HSPG2: variants seen among roughly 807,000 people sequenced by gnomAD.
HSPG2 encodes the protein basement membrane-specific heparan sulfate proteoglycan core protein.
Under a neutral mutation model 526.6 loss-of-function variants are expected in HSPG2, and 278 were observed. The ratio of observed to expected loss-of-function variants is 0.53; its 90% confidence interval spans 0.48 to 0.58. The LOEUF is 0.58. Among genes scored for constraint, HSPG2 ranks in the 20% least tolerant of loss-of-function variants. The pLI is 0.00. For synonymous variants in HSPG2, 2,465 were observed against 2,555.4 expected, an observed-to-expected ratio of 0.96 and a Z score of 1.07; for missense variants, 5,354 against 6,099.5, an observed-to-expected ratio of 0.88 and a Z score of 4.07.
rs1640762922 is a variant in HSPG2, at chr1:21,872,875, T to C, written c.3889-115A>G. 1 of 1,524,684 alleles carries C rather than the reference T, an allele frequency of 6.6e-7. No individual in the cohort carries two copies. Among genetic ancestry groups the C allele is most frequent in the African/African-American group, 1.4e-5 (1 of 73,354 alleles). 94.4% of individuals were successfully genotyped at this position (1,524,684 alleles called of 1,614,324 possible). On this transcript the variant is annotated intron_variant, in intron 31 of 96. Transcript: ENST00000374695. This position sits in a 1 kb window ranked among gnomAD's most constrained non-coding sequence, Gnocchi z 5.5. ...CAGCAGCCCCGGGCAGCCCCTGCCC[T>C]GTCCCCCATGCCCTGCCCCCCATGC...
chr1:21,844,039 C>T, intron 65 of HSPG2, 109 bp downstream of exon 65: 2 of 1,447,534 alleles, frequency 1.4e-6, no homozygotes, highest in East Asian at 2.3e-5. Context: ...CCTCCTGCTG[C>T]CATTTCCCAC....
At position 21,864,225 on chromosome 1, in the gene HSPG2, G is replaced by A; in HGVS notation, c.4627-12C>T. On this transcript the variant is annotated splice_polypyrimidine_tract_variant and intron_variant, in intron 36 of 96. Coordinates refer to ENST00000374695, the MANE Select transcript of HSPG2 (RefSeq NM_005529.7). This position sits in a 1 kb window ranked among gnomAD's most constrained non-coding sequence, Gnocchi z 4.8. ...CCGGGGGCACAGTCCTAGGGGCAGA[G>A]AGGAAGGTTGGCCTCTGTTCCCAAC... is the stretch of plus-strand genomic sequence containing the variant. The A allele has an allele frequency of 6.5e-7, 1 of 1,549,120 alleles. No homozygotes were observed. Among genetic ancestry groups the A allele is most frequent in the Non-Finnish European group, 8.7e-7 (1 of 1,145,688 alleles).
At chr1:21,832,865 A>G in intron 80 of HSPG2, 1 of 583,480 alleles carries the variant, frequency 1.7e-6, no homozygotes, top group Non-Finnish European at 3.1e-6. Context: ...AGAGGGAGGC[A>G]GAGACTCACC....
intron 1 of HSPG2, among the ~76,000 whole-genome samples, chr1:21,903,338 C>T (rs1057171665): frequency 6.6e-6 from 1 of 152,332 alleles, no homozygotes; most frequent in East Asian, 1.9e-4. Context: ...TGGTGGCTCA[C>T]GCCTGTAGTC....
chr1:21,880,616 C>T, intron 15 of HSPG2, 40 bp downstream of exon 15: 3 of 1,598,796 alleles, frequency 1.9e-6, no homozygotes, highest in Non-Finnish European at 2.6e-6. Flanking sequence ...AGCCTAAATC[C>T]CCCTTTGCTC....
rs754400797 is a variant in HSPG2 at position 21,872,877 on chromosome 1, T to TC, written c.3889-118dup. On this transcript the variant is annotated intron_variant, in intron 31 of 96. Transcript: ENST00000374695. This position sits in a 1 kb window ranked among gnomAD's most constrained non-coding sequence, Gnocchi z 5.5. ...GCAGCCCCGGGCAGCCCCTGCCCTG[T>TC]CCCCCATGCCCTGCCCCCCATGCCC... 46 of 1,524,854 alleles carry TC rather than the reference T, an allele frequency of 3.0e-5. No individual in the cohort carries two copies. Among genetic ancestry groups the TC allele is most frequent in the Non-Finnish European group, 3.5e-5 (39 of 1,102,920 alleles). The allele number at this position is 1,524,854 out of a possible 1,614,324, so 94.5% of individuals were successfully genotyped here.
chr1:21,842,200 C>T, intron 68 of HSPG2, 39 bp downstream of exon 68: 1 of 1,612,832 alleles, frequency 6.2e-7, no homozygotes, highest in South Asian at 1.1e-5. Context: ...CTTCAGGGCC[C>T]TCCCTTCCCC....
Position 21,865,580 on chromosome 1 carries a change from G to C in HSPG2, c.4314+137C>G, listed in dbSNP as rs1003979370. On this transcript the variant is annotated intron_variant, in intron 34 of 96. Coordinates refer to ENST00000374695, the MANE Select transcript of HSPG2 (RefSeq NM_005529.7). This position sits in a 1 kb window ranked among gnomAD's most constrained non-coding sequence, Gnocchi z 5.4. The stretch of plus-strand genomic sequence containing the variant: ...GTAGTGTCCAACCAGGCAGGGATGT[G>C]GGGGCATGGGCCTAACTCCCCCAGC... 1.1e-6 allele frequency: 1 copy of C among 890,308 alleles called. No homozygotes were observed. Among genetic ancestry groups the C allele is most frequent in the Admixed American group, 1.7e-5 (1 of 57,728 alleles). 55.2% of individuals were successfully genotyped at this position (890,308 alleles called of 1,614,324 possible).
Position 21,864,303 on chromosome 1 carries a change from AG to A in HSPG2, c.4627-91del. 1 of 1,074,634 alleles carries A rather than the reference AG, an allele frequency of 9.3e-7. No individual in the cohort carries two copies. Among genetic ancestry groups the A allele is most frequent in the Non-Finnish European group, 1.4e-6 (1 of 714,446 alleles). The allele number at this position is 1,074,634 out of a possible 1,614,324, so 66.6% of individuals were successfully genotyped here. A position where few individuals can be genotyped will look rare whatever the true frequency, so the allele number is the denominator to read the frequency against. ...GAACCCCTCCCTCCAGTGTCCTCCCAGGGGTGACCCTGGAACATCACAGGCC... is the reference window on the plus strand; with the variant it reads ...GAACCCCTCCCTCCAGTGTCCTCCCAGGGTGACCCTGGAACATCACAGGCC... On this transcript the variant is annotated intron_variant, in intron 36 of 96. Coordinates refer to ENST00000374695, the MANE Select transcript of HSPG2 (RefSeq NM_005529.7). This position sits in a 1 kb window ranked among gnomAD's most constrained non-coding sequence, Gnocchi z 4.8.
intron 50 of HSPG2, 102 bp downstream of exon 50, chr1:21,854,091 C>G: frequency 7.6e-7 from 1 of 1,310,612 alleles, no homozygotes; most frequent in Non-Finnish European, 1.0e-6. Flanking sequence ...TCAAAGCCTG[C>G]CTGGAATGCC....
At position 21,830,993 on chromosome 1, in the gene HSPG2, T is replaced by C. The variant is rs373815889; in HGVS notation, c.11660A>G (p.His3887Arg). 4.4e-6 allele frequency: 7 copies of C among 1,581,338 alleles called. No homozygotes were observed. The highest frequency in any genetic ancestry group is 6.0e-6 in the Non-Finnish European group (7 of 1,163,294). ...GTCGGGGTGCGTACCTGGATGGCAG[T>C]GCAGGGCCTGCGAGTGCTCACAGCG... ...GSRCEHSQAL[H>R]CHPEACGPDA... Residue 3887 changes from histidine to arginine, a missense_variant, in exon 85 of 97, where the codon CAC becomes CGC. Coordinates refer to ENST00000374695, the MANE Select transcript of HSPG2 (RefSeq NM_005529.7).
chr1:21,830,079 G>A lies in HSPG2; in HGVS notation c.11684C>T (p.Pro3895Leu), dbSNP rs2097995692. ...AGGCCGGTTCACACAGGTGGCGTCG[G>A]GCCCACAGGCCTCTGGGGGGCACAT... ...ALHCHPEACG[P>L]DATCVNRPDG... is the part of the protein sequence containing the mutation. The change falls in exon 86 of 97, where the codon CCC (proline) becomes CTC (leucine). Residue 3895 changes from proline (P) to leucine (L), a missense_variant. Physicochemically the swap from Pro to Leu is moderately conservative, Grantham distance 98. Transcript: ENST00000374695. The A allele has an allele frequency of 6.3e-7, 1 of 1,597,532 alleles. No individual in the cohort carries two copies. Among genetic ancestry groups the A allele is most frequent in the Non-Finnish European group, 8.5e-7 (1 of 1,173,722 alleles).
At position 21,848,100 on chromosome 1, in the gene HSPG2, G is replaced by C. The variant is rs1638595231; in HGVS notation, c.7738-7C>G. 3 of 1,583,264 alleles carry C rather than the reference G, an allele frequency of 1.9e-6. No homozygotes were observed. The highest frequency in any genetic ancestry group is 1.1e-5 in the South Asian group (1 of 87,610). On this transcript the variant is annotated splice_polypyrimidine_tract_variant and splice_region_variant and intron_variant, in intron 59 of 96. Transcript: ENST00000374695. The surrounding 1 kb of genome is among the most constrained non-coding windows in gnomAD (Gnocchi z 4.9). ...GCAGCCGGGAGCCCACGATCTGCAG[G>C]AAGCAGATGGCAGGAGGTATGGCAG...
In HSPG2 at chr1:21,841,609, G is replaced by A. The variant is rs142555110; in HGVS notation, c.9258C>T (p.His3086=). The change falls in exon 70 of 97, where the codon CAC becomes CAT. Residue 3086 remains histidine (H), a synonymous_variant. Coordinates refer to ENST00000374695, the MANE Select transcript of HSPG2 (RefSeq NM_005529.7). The part of the protein sequence containing the change: ...ITIVGTRPSN[H]GTYRCVASNA... ...TGGAGGCCACGCAGCGGTAGGTACCGTGGTTGCTGGGCCGGGTGCCCACGA... is the reference window on the plus strand; with the variant it reads ...TGGAGGCCACGCAGCGGTAGGTACCATGGTTGCTGGGCCGGGTGCCCACGA... 1.3e-5 allele frequency: 21 copies of A among 1,614,040 alleles called. No individual in the cohort carries two copies. The African/African-American group carries it at 1.9e-4, about 14-fold the overall frequency.
rs1431707671 is a variant in HSPG2 at position 21,837,013 on chromosome 1, G to A, written c.10151-7C>T. On this transcript the variant is annotated splice_polypyrimidine_tract_variant and splice_region_variant and intron_variant, in intron 74 of 96. Transcript: ENST00000374695. ...GGGAGAGAGCCGGGAGGGCCTGCGG[G>A]GACATGTATGAGGTTCTGCAGGTAT... 1 of 1,546,364 alleles carries A rather than the reference G, an allele frequency of 6.5e-7. No individual in the cohort carries two copies. The highest frequency in any genetic ancestry group is 2.0e-5 in the Admixed American group (1 of 51,062).
intron 1 of HSPG2, among the ~76,000 whole-genome samples, chr1:21,919,966 G>A (rs1337778650): frequency 6.6e-6 from 1 of 152,196 alleles, no homozygotes; most frequent in Non-Finnish European, 1.5e-5. Flanking sequence ...GAGTGCAGTG[G>A]CACAATCTTG....
intron 80 of HSPG2, chr1:21,833,046 AG>A (rs1470395007): frequency 9.8e-6 from 6 of 610,540 alleles, no homozygotes; most frequent in Admixed American, 7.6e-5. Flanking sequence ...AGGAGCCACG[AG>A]GAGGCTGGAG....
At chr1:21,826,189 C>T (rs747052898) in intron 91 of HSPG2, among the ~76,000 whole-genome samples, 14 of 151,990 alleles carry the variant, frequency 9.2e-5, no homozygotes, top group Non-Finnish European at 1.9e-4. Flanking sequence ...TCAAGTGATC[C>T]TTCTGCCTCA....
Position 21,888,077 on chromosome 1 carries a change from A to C in HSPG2, c.575-11T>G, listed in dbSNP as rs759082654. 1 of 1,613,876 alleles carries C rather than the reference A, an allele frequency of 6.2e-7. No homozygotes were observed. The highest frequency in any genetic ancestry group is 1.3e-5 in the African/African-American group (1 of 75,044). On this transcript the variant is annotated splice_polypyrimidine_tract_variant and intron_variant, in intron 6 of 96. Coordinates refer to ENST00000374695, the MANE Select transcript of HSPG2 (RefSeq NM_005529.7). ...TTGGGAACTGGGGCACTGCAGGTGG[A>C]AAGGAAGCAGACTGGAGTCAGAGGC...
Sources: gnomAD v4.1 joint callset for allele counts (sites outside exome capture counted in the v4.1 genomes callset) on GRCh38, gnomAD v4.1.1 for gene constraint, Gnocchi (gnomAD v3.1) non-coding constraint, MANE v1.5 for transcripts, NCBI Gene and HGNC (gene_info 2026-07-23, HGNC 2026-07-21) for gene names.